Variants in INSR observed in about 807,000 individuals in gnomAD.
The protein encoded by INSR is insulin receptor.
Under a neutral mutation model 142.6 loss-of-function variants are expected in INSR, and 67 were observed. That is an observed-to-expected ratio of 0.47 (90% CI 0.39 to 0.58). The LOEUF (loss-of-function observed/expected upper bound fraction) is 0.58. INSR is among the 20% of genes least tolerant of loss of function. INSR has a pLI of 0.00. For synonymous variants in INSR, 756 were observed against 743.1 expected (o/e 1.02, Z -0.28); for missense variants, 1,248 against 1,833.2 (o/e 0.68, Z 5.83).
rs1968573865 is a variant in INSR at position 7,294,035 on chromosome 19, T to G, written c.-144A>C. The G allele has an allele frequency of 2.2e-6, 2 of 897,556 alleles. No individual in the cohort carries two copies. The highest frequency in any genetic ancestry group is 2.8e-6 in the Non-Finnish European group (2 of 722,260). 55.6% of individuals were successfully genotyped at this position (897,556 alleles called of 1,614,324 possible). On this transcript the variant is annotated 5_prime_UTR_variant, in exon 1 of 22. Transcript: ENST00000302850. ...CGCGACCCGCGGGCCGCAGCCCCCC[T>G]GCCGGGGAGGGCCCAGAGGCAGCCC...
intron 2 of INSR, among the ~76,000 whole-genome samples, chr19:7,246,523 G>A (rs1399048760): frequency 6.6e-6 from 1 of 152,178 alleles, no homozygotes; most frequent in Non-Finnish European, 1.5e-5. Flanking sequence ...CTGTGTTTGT[G>A]GTCAGCTGGT....
At chr19:7,139,366 T>A (rs1397923015) in intron 13 of INSR, among the ~76,000 whole-genome samples, 1 of 152,216 alleles carries the variant, frequency 6.6e-6, no homozygotes, top group Admixed American at 6.5e-5. Flanking sequence ...GGTTTCCAGA[T>A]AAAATTAGTA....
At position 7,294,263 on chromosome 19, in the gene INSR, C is replaced by G. The variant is rs377289944; in HGVS notation, c.-372G>C. Among the ~76,000 whole-genome samples, 3 of 146,918 alleles carry G rather than the reference C, an allele frequency of 2.0e-5. No individual in the cohort carries two copies. The highest frequency in any genetic ancestry group is 4.4e-4 in the South Asian group (2 of 4,564). On this transcript the variant is annotated 5_prime_UTR_variant, in exon 1 of 22. Coordinates refer to ENST00000302850, the MANE Select transcript of INSR (RefSeq NM_000208.4). Reference sequence around the variant, plus strand: ...ATCTGCGGGCTCCGGGACAGAGGGACGCGCGGACCGACGGACTAGCTGACT... The same window carrying G: ...ATCTGCGGGCTCCGGGACAGAGGGAGGCGCGGACCGACGGACTAGCTGACT...
chr19:7,198,158 C>G (rs1325365853), intron 2 of INSR, among the ~76,000 whole-genome samples: 2 of 151,862 alleles, frequency 1.3e-5, no homozygotes, highest in Non-Finnish European at 1.5e-5. Flanking sequence ...GCACAAAGCC[C>G]GGGGCGCACT....
At chr19:7,246,609 C>T (rs772942377) in intron 2 of INSR, among the ~76,000 whole-genome samples, 45 of 152,206 alleles carry the variant, frequency 3.0e-4, no homozygotes, top group Non-Finnish European at 4.7e-4. Flanking sequence ...TAAGCCATTA[C>T]GTTTCAGAGT....
At chr19:7,155,787 G>T (rs966969775) in intron 9 of INSR, among the ~76,000 whole-genome samples, 1 of 151,542 alleles carries the variant, frequency 6.6e-6, no homozygotes, top group African/African-American at 2.4e-5. Context: ...GGTGGTGTGC[G>T]CCTGTAATCC....
Position 7,112,959 on chromosome 19 carries a change from C to T in INSR, c.*4097G>A, listed in dbSNP as rs532127894. On this transcript the variant is annotated 3_prime_UTR_variant, in exon 22 of 22. Transcript: ENST00000302850. ...TGCTGGAAGATTTTCTGAAGTGACACCCCTCTCTGTGTACCATGTATATAA... is the reference window on the plus strand; with the variant it reads ...TGCTGGAAGATTTTCTGAAGTGACATCCCTCTCTGTGTACCATGTATATAA... The T allele has an allele frequency of 3.3e-5, 5 of 152,220 alleles. No homozygotes were observed. The highest frequency in any genetic ancestry group is 1.9e-4 in the East Asian group (1 of 5,182). The allele number at this position is 152,220 out of a possible 1,614,324, so 9.4% of individuals were successfully genotyped here.
At chr19:7,156,146 C>T (rs1341731294) in intron 9 of INSR, among the ~76,000 whole-genome samples, 3 of 147,510 alleles carry the variant, frequency 2.0e-5, no homozygotes, top group African/African-American at 2.5e-5. Flanking sequence ...CTGCAGCCTC[C>T]GCCTCCTGGA....
intron 2 of INSR, among the ~76,000 whole-genome samples, chr19:7,236,081 C>A (rs1355857173): frequency 6.7e-6 from 1 of 149,480 alleles, no homozygotes; most frequent in Non-Finnish European, 1.5e-5. Context: ...TCAAGCAATT[C>A]TCCCACCATA....
At chr19:7,184,786 G>A (rs1272809963) in intron 2 of INSR, 149 bp from the exon 3 acceptor site, 2 of 512,048 alleles carry the variant, frequency 3.9e-6, no homozygotes, top group African/African-American at 3.9e-5. Flanking sequence ...AACAGTAAAA[G>A]CGGCACGTCT....
At chr19:7,241,128 T>G (rs1976325209) in intron 2 of INSR, among the ~76,000 whole-genome samples, 1 of 152,028 alleles carries the variant, frequency 6.6e-6, no homozygotes, top group South Asian at 2.1e-4. Flanking sequence ...GAACTCCAAC[T>G]GTATCTTACA....
At chr19:7,185,779 G>T (rs943563321) in intron 2 of INSR, among the ~76,000 whole-genome samples, 1 of 138,600 alleles carries the variant, frequency 7.2e-6, no homozygotes, top group Non-Finnish European at 1.5e-5. Context: ...GGAGGTGGAG[G>T]CTGCAGTGAG....
intron 10 of INSR, chr19:7,151,881 C>G (rs1436548609): frequency 6.6e-6 from 1 of 152,146 alleles, no homozygotes; most frequent in Non-Finnish European, 1.5e-5. Context: ...TAGCCTCCAT[C>G]TCCTGGCCTC....
At chr19:7,246,042 C>G (rs534071476) in intron 2 of INSR, among the ~76,000 whole-genome samples, 34 of 152,238 alleles carry the variant, frequency 2.2e-4, no homozygotes, top group African/African-American at 8.2e-4. Context: ...GTCCTGATGT[C>G]CAATTGAGCT....
Position 7,267,242 on chromosome 19 carries a change from G to T in INSR, c.652+103C>A. Reference sequence around the variant, plus strand: ...GAATGCCACCACCCACTATTCCCCGGCCCCTACCTAATGACCATTTAACAT... The same window carrying T: ...GAATGCCACCACCCACTATTCCCCGTCCCCTACCTAATGACCATTTAACAT... On this transcript the variant is annotated intron_variant, in intron 2 of 21. Coordinates refer to ENST00000302850, the MANE Select transcript of INSR (RefSeq NM_000208.4). The surrounding 1 kb of genome is among the most constrained non-coding windows in gnomAD (Gnocchi z 6.3). The T allele has an allele frequency of 8.1e-7, 1 of 1,237,826 alleles. No individual in the cohort carries two copies. The highest frequency in any genetic ancestry group is 1.2e-6 in the Non-Finnish European group (1 of 852,244). 76.7% of individuals were successfully genotyped at this position (1,237,826 alleles called of 1,614,324 possible). A position where few individuals can be genotyped will look rare whatever the true frequency, so the allele number is the denominator to read the frequency against.
intron 3 of INSR, among the ~76,000 whole-genome samples, chr19:7,182,131 A>G (rs913698415): frequency 6.6e-6 from 1 of 151,784 alleles, no homozygotes; most frequent in South Asian, 2.1e-4. Context: ...CAGGAGTTCA[A>G]GACCAGCCTG....
At chr19:7,167,430 G>A (rs748791872) in intron 7 of INSR, among the ~76,000 whole-genome samples, 1 of 151,966 alleles carries the variant, frequency 6.6e-6, no homozygotes, top group Admixed American at 6.6e-5. Context: ...ACACAAATTA[G>A]CTACGTGTGA....
At chr19:7,276,768 T>G (rs1968073123) in intron 1 of INSR, among the ~76,000 whole-genome samples, 1 of 152,142 alleles carries the variant, frequency 6.6e-6, no homozygotes, top group South Asian at 2.1e-4. Flanking sequence ...TCTCACTCTG[T>G]CTCCCAGGCT....
rs150649895 is a variant in INSR at position 7,157,066 on chromosome 19, T to C, written c.2030-4139A>G. On this transcript the variant is annotated intron_variant, in intron 9 of 21. Coordinates refer to ENST00000302850, the MANE Select transcript of INSR (RefSeq NM_000208.4). The stretch of plus-strand genomic sequence containing the variant: ...CGCTATCTCGGCTCACTGCAAGCTC[T>C]GCCTCCCGGGTTCACGCCATTCTCC... 2.6e-3 allele frequency among the ~76,000 whole-genome samples: 398 copies of C among 152,200 alleles called. 8 individuals are homozygous for C. In the East Asian group the frequency reaches 0.04, roughly 15 times the overall value.
Sources: allele counts gnomAD v4.1 joint callset (sites outside exome capture counted in the v4.1 genomes callset), GRCh38; gene constraint gnomAD v4.1.1; non-coding constraint Gnocchi (gnomAD v3.1); transcripts MANE v1.5; gene names NCBI Gene and HGNC (gene_info 2026-07-23, HGNC 2026-07-21).